The following MYCN variants were observed in gnomAD, a reference collection of about 807,000 sequenced individuals.
The protein encoded by MYCN is N-myc proto-oncogene protein.
In MYCN, 3 loss-of-function variants were observed where a neutral mutation model predicts 28.1. The ratio of observed to expected loss-of-function variants is 0.11; its 90% CI spans 0.05 to 0.28. The LOEUF is 0.28. MYCN is among the 10% of genes least tolerant of loss of function. The pLI is 1.00. For missense variants in MYCN, 572 were observed against 651.4 expected (o/e 0.88, Z 1.33); for synonymous variants, 326 against 288.3 (o/e 1.13, Z -1.32).
At position 15,945,734 on chromosome 2, in the gene MYCN, A is replaced by C. The variant is rs1662848728; in HGVS notation, c.1032A>C (p.Ala344=). 1 of 1,613,830 alleles carries C rather than the reference A, an allele frequency of 6.2e-7. No individual in the cohort carries two copies. Among genetic ancestry groups the C allele is most frequent in the Non-Finnish European group, 8.5e-7 (1 of 1,179,976 alleles). ...CTCCCTACGTGGAGAGTGAGGATGC[A>C]CCCCCACAGAAGAAGATAAAGAGCG... ...APSPYVESED[A]PPQKKIKSEA... Residue 344 remains alanine, a synonymous_variant, in exon 3 of 3, where the codon GCA becomes GCC. Coordinates refer to ENST00000281043, the MANE Select transcript of MYCN (RefSeq NM_005378.6). This position sits in a 1 kb window ranked among gnomAD's most constrained non-coding sequence, Gnocchi z 4.8.
chr2:15,942,199 G>A lies in MYCN; in HGVS notation c.135G>A (p.Pro45=), dbSNP rs1404994708. 1.2e-6 allele frequency: 2 copies of A among 1,613,536 alleles called. No homozygotes were observed. Among genetic ancestry groups the A allele is most frequent in the Admixed American group, 3.3e-5 (2 of 60,028 alleles). ...TCGGCGGCCCCGACTCGACCCCCCC[G>A]GGGGAGGACATCTGGAAGAAGTTTG... The part of the protein sequence containing the change: ...FYFGGPDSTP[P]GEDIWKKFEL... Residue 45 remains proline, a synonymous_variant, in exon 2 of 3, where the codon CCG becomes CCA. Transcript: ENST00000281043. The surrounding 1 kb of genome is among the most constrained non-coding windows in gnomAD (Gnocchi z 7.0).
In MYCN at chr2:15,945,621, G is replaced by T; in HGVS notation, c.919G>T (p.Ala307Ser). 1.2e-6 allele frequency: 2 copies of T among 1,614,148 alleles called. No homozygotes were observed. Among genetic ancestry groups the T allele is most frequent in the Non-Finnish European group, 1.7e-6 (2 of 1,180,014 alleles). The change falls in exon 3 of 3, where the codon GCC (alanine) becomes TCC (serine). Residue 307 changes from alanine (A) to serine (S), a missense_variant. By Grantham distance (99) the Ala-to-Ser change is moderately conservative. Around this residue, in one of 3 missense-constraint regions of MYCN, gnomAD observed 499 missense variants for 524.3 expected, o/e 0.95. Coordinates refer to ENST00000281043, the MANE Select transcript of MYCN (RefSeq NM_005378.6). This position sits in a 1 kb window ranked among gnomAD's most constrained non-coding sequence, Gnocchi z 4.8. ...FTITVRPKNAALGPGRAQSSE... is the reference protein window; with the variant it reads ...FTITVRPKNASLGPGRAQSSE... ...CATCACTGTGCGTCCCAAGAACGCA[G>T]CCCTGGGTCCCGGGAGGGCTCAGTC...
chr2:15,943,781 C>G (rs1558535108), intron 2 of MYCN, among the ~76,000 whole-genome samples: 1 of 152,164 alleles, frequency 6.6e-6, no homozygotes, highest in South Asian at 2.1e-4. Flanking sequence ...CCTGGGAGGA[C>G]TCACTGATTA....
Position 15,941,747 on chromosome 2 carries a change from C to T in MYCN, c.-117-201C>T, listed in dbSNP as rs1273102078. 6 of 496,818 alleles carry T rather than the reference C, an allele frequency of 1.2e-5. No homozygotes were observed. The East Asian group carries it at 1.4e-4, about 12-fold the overall frequency. 30.8% of individuals were successfully genotyped at this position (496,818 alleles called of 1,614,324 possible). On this transcript the variant is annotated intron_variant, in intron 1 of 2. Transcript: ENST00000281043. This position sits in a 1 kb window ranked among gnomAD's most constrained non-coding sequence, Gnocchi z 4.8. ...CTGCATCTGCATGCCCCCTCCCACC[C>T]CCTGTCGTAGACAGCTTGTACACAA...
intron 2 of MYCN, among the ~76,000 whole-genome samples, chr2:15,943,521 C>T (rs1572219091): frequency 6.6e-6 from 1 of 151,422 alleles, no homozygotes; most frequent in African/African-American, 2.4e-5. Context: ...AGCAGGCGGG[C>T]CCGGGATCTG....
chr2:15,942,871 G>T lies in MYCN; in HGVS notation c.790+17G>T, dbSNP rs982040971. The T allele has an allele frequency of 7.6e-6, 12 of 1,576,120 alleles. No individual in the cohort carries two copies. The highest frequency in any genetic ancestry group is 9.4e-6 in the Non-Finnish European group (11 of 1,167,466). ...GCGATTCAGGTAAAGACCGAACTCG[G>T]GTCCGGCTGCCTCCCTGGGGCACTG... is the stretch of plus-strand genomic sequence containing the variant. On this transcript the variant is annotated intron_variant, in intron 2 of 2. Transcript: ENST00000281043. This position sits in a 1 kb window ranked among gnomAD's most constrained non-coding sequence, Gnocchi z 7.0.
At position 15,945,624 on chromosome 2, in the gene MYCN, C is replaced by CTGG; in HGVS notation, c.923_925dup (p.Leu308_Gly309insVal). On this transcript the variant is annotated inframe_insertion, in exon 3 of 3. Transcript: ENST00000281043. The surrounding 1 kb of genome is among the most constrained non-coding windows in gnomAD (Gnocchi z 4.8). ...CACTGTGCGTCCCAAGAACGCAGCC[C>CTGG]TGGGTCCCGGGAGGGCTCAGTCCAG... The CTGG allele has an allele frequency of 6.2e-7, 1 of 1,614,198 alleles. No individual in the cohort carries two copies. Among genetic ancestry groups the CTGG allele is most frequent in the South Asian group, 1.1e-5 (1 of 91,084 alleles).
chr2:15,946,617 A>C lies in MYCN; in HGVS notation c.*520A>C. On this transcript the variant is annotated 3_prime_UTR_variant, in exon 3 of 3. Transcript: ENST00000281043. ...TACTGTAATAATACCTCAATGTTTG[A>C]GGAGCATGTTTTGTATACAAATATA... 1 of 276,914 alleles carries C rather than the reference A, an allele frequency of 3.6e-6. No homozygotes were observed. Among genetic ancestry groups the C allele is most frequent in the South Asian group, 9.6e-5 (1 of 10,470 alleles). The allele number at this position is 276,914 out of a possible 1,614,324, so 17.2% of individuals were successfully genotyped here.
rs1662826027 is a variant in MYCN, at chr2:15,945,106, TCTC to T, written c.791-384_791-382del. ...CCTCCGCCTCCCGGGTTCAAGTCAT[TCTC>T]CTGCCTCAGCCTCCCGAGTAGCTGG... On this transcript the variant is annotated intron_variant, in intron 2 of 2. Coordinates refer to ENST00000281043, the MANE Select transcript of MYCN (RefSeq NM_005378.6). The surrounding 1 kb of genome is among the most constrained non-coding windows in gnomAD (Gnocchi z 4.8). 6.6e-6 allele frequency among the ~76,000 whole-genome samples: 1 copy of T among 151,922 alleles called. No individual in the cohort carries two copies. Among genetic ancestry groups the T allele is most frequent in the Non-Finnish European group, 1.5e-5 (1 of 67,992 alleles).
Position 15,941,726 on chromosome 2 carries a change from A to G in MYCN, c.-117-222A>G, listed in dbSNP as rs989678899. The G allele has an allele frequency of 2.3e-6, 1 of 438,412 alleles. No homozygotes were observed. The highest frequency in any genetic ancestry group is 2.0e-5 in the African/African-American group (1 of 50,748). The allele number at this position is 438,412 out of a possible 1,614,324, so 27.2% of individuals were successfully genotyped here. A position where few individuals can be genotyped will look rare whatever the true frequency, so the allele number is the denominator to read the frequency against. ...GCGGAGCCTCGCCACCACCCCCTGC[A>G]TCTGCATGCCCCCTCCCACCCCCTG... On this transcript the variant is annotated intron_variant, in intron 1 of 2. Coordinates refer to ENST00000281043, the MANE Select transcript of MYCN (RefSeq NM_005378.6). The surrounding 1 kb of genome is among the most constrained non-coding windows in gnomAD (Gnocchi z 4.8).
chr2:15,942,789 G>T lies in MYCN; in HGVS notation c.725G>T (p.Arg242Leu). Residue 242 changes from arginine (R) to leucine (L), a missense_variant, in exon 2 of 3, where the codon CGC becomes CTC. Physicochemically the swap from Arg to Leu is moderately radical, Grantham distance 102. Coordinates refer to ENST00000281043, the MANE Select transcript of MYCN (RefSeq NM_005378.6). This position sits in a 1 kb window ranked among gnomAD's most constrained non-coding sequence, Gnocchi z 7.0. ...GTCGCCCCTCCGCGCCCAGGCGGCCGCCAGACCAGCGGCGGCGACCACAAG... is the reference window on the plus strand; with the variant it reads ...GTCGCCCCTCCGCGCCCAGGCGGCCTCCAGACCAGCGGCGGCGACCACAAG... ...PGVAPPRPGG[R>L]QTSGGDHKAL... The T allele has an allele frequency of 6.6e-7, 1 of 1,507,036 alleles. No individual in the cohort carries two copies. Among genetic ancestry groups the T allele is most frequent in the South Asian group, 1.3e-5 (1 of 78,294 alleles). The allele number at this position is 1,507,036 out of a possible 1,614,324, so 93.4% of individuals were successfully genotyped here. A position where few individuals can be genotyped will look rare whatever the true frequency, so the allele number is the denominator to read the frequency against.
chr2:15,945,455 T>G lies in MYCN; in HGVS notation c.791-38T>G, dbSNP rs1662836199. The G allele has an allele frequency of 6.4e-7, 1 of 1,564,876 alleles. No individual in the cohort carries two copies. Among genetic ancestry groups the G allele is most frequent in the East Asian group, 2.4e-5 (1 of 42,376 alleles). On this transcript the variant is annotated intron_variant, in intron 2 of 2. Transcript: ENST00000281043. This position sits in a 1 kb window ranked among gnomAD's most constrained non-coding sequence, Gnocchi z 4.8. ...GATATATATGTGAATTTCATTCAAATGGTTCTCACATGAGAGTAACTAGCA... is the reference window on the plus strand; with the variant it reads ...GATATATATGTGAATTTCATTCAAAGGGTTCTCACATGAGAGTAACTAGCA...
Position 15,942,942 on chromosome 2 carries a change from TG to T in MYCN, c.790+92del. 1 of 1,465,760 alleles carries T rather than the reference TG, an allele frequency of 6.8e-7. No homozygotes were observed. The highest frequency in any genetic ancestry group is 9.1e-7 in the Non-Finnish European group (1 of 1,098,442). The allele number at this position is 1,465,760 out of a possible 1,614,324, so 90.8% of individuals were successfully genotyped here. ...TTGTTAGTGCTCGTATGTCTTGGCCTGGGGAGCATTTTGGAGGCAGTGCTAG... is the reference window on the plus strand; with the variant it reads ...TTGTTAGTGCTCGTATGTCTTGGCCTGGGAGCATTTTGGAGGCAGTGCTAG... On this transcript the variant is annotated intron_variant, in intron 2 of 2. Coordinates refer to ENST00000281043, the MANE Select transcript of MYCN (RefSeq NM_005378.6). This position sits in a 1 kb window ranked among gnomAD's most constrained non-coding sequence, Gnocchi z 7.0.
At position 15,942,632 on chromosome 2, in the gene MYCN, G is replaced by A. The variant is rs776717109; in HGVS notation, c.568G>A (p.Ala190Thr). 8.8e-7 allele frequency: 1 copy of A among 1,139,344 alleles called. No homozygotes were observed. The highest frequency in any genetic ancestry group is 3.7e-5 in the South Asian group (1 of 26,996). The allele number at this position is 1,139,344 out of a possible 1,614,324, so 70.6% of individuals were successfully genotyped here. A position where few individuals can be genotyped will look rare whatever the true frequency, so the allele number is the denominator to read the frequency against. ...AHPAAECVDP[A>T]VVFPFPVNKR... ...CCCGGCCGCCGAGTGCGTGGATCCC[G>A]CCGTGGTCTTCCCCTTTCCCGTGAA... is the stretch of plus-strand genomic sequence containing the variant. Residue 190 changes from alanine to threonine, a missense_variant, in exon 2 of 3, where the codon GCC becomes ACC. This residue lies in a region of MYCN where 499 missense variants were observed against 524.3 expected (regional missense o/e 0.95). Transcript: ENST00000281043. This position sits in a 1 kb window ranked among gnomAD's most constrained non-coding sequence, Gnocchi z 7.0.
In MYCN at chr2:15,941,754, G is replaced by A. The variant is rs1336422999; in HGVS notation, c.-117-194G>A. On this transcript the variant is annotated intron_variant, in intron 1 of 2. Transcript: ENST00000281043. This position sits in a 1 kb window ranked among gnomAD's most constrained non-coding sequence, Gnocchi z 4.8. Reference sequence around the variant, plus strand: ...TGCATGCCCCCTCCCACCCCCTGTCGTAGACAGCTTGTACACAAAAGGAGG... The same window carrying A: ...TGCATGCCCCCTCCCACCCCCTGTCATAGACAGCTTGTACACAAAAGGAGG... The A allele has an allele frequency of 4.0e-6, 2 of 501,278 alleles. No homozygotes were observed. Among genetic ancestry groups the A allele is most frequent in the Admixed American group, 3.4e-5 (1 of 29,698 alleles). The allele number at this position is 501,278 out of a possible 1,614,324, so 31.1% of individuals were successfully genotyped here.
At position 15,945,339 on chromosome 2, in the gene MYCN, A is replaced by C. The variant is rs1662832546; in HGVS notation, c.791-154A>C. The stretch of plus-strand genomic sequence containing the variant: ...ATTTAAAGAGATCTAAAACAAATAC[A>C]AAACTGTCCACATCTATGTTGATGG... On this transcript the variant is annotated intron_variant, in intron 2 of 2. Coordinates refer to ENST00000281043, the MANE Select transcript of MYCN (RefSeq NM_005378.6). This position sits in a 1 kb window ranked among gnomAD's most constrained non-coding sequence, Gnocchi z 4.8. Among the ~76,000 whole-genome samples the C allele has an allele frequency of 6.6e-6, 1 of 152,154 alleles. No homozygotes were observed. The highest frequency in any genetic ancestry group is 6.5e-5 in the Admixed American group (1 of 15,272).
rs981068491 is a variant in MYCN at position 15,941,981 on chromosome 2, G to T, written c.-84G>T. 3 of 1,553,582 alleles carry T rather than the reference G, an allele frequency of 1.9e-6. 1 individual carries two copies. The highest frequency in any genetic ancestry group is 1.4e-5 in the African/African-American group (1 of 73,572). ...GTCGGCGCCGGCCCCCGCCTTCCGCGCCCCCCACGGGAAGGAAGCACCCCC... is the reference window on the plus strand; with the variant it reads ...GTCGGCGCCGGCCCCCGCCTTCCGCTCCCCCCACGGGAAGGAAGCACCCCC... On this transcript the variant is annotated 5_prime_UTR_variant, in exon 2 of 3. Transcript: ENST00000281043. This position sits in a 1 kb window ranked among gnomAD's most constrained non-coding sequence, Gnocchi z 4.8.
chr2:15,945,408 G>T lies in MYCN; in HGVS notation c.791-85G>T. 6.7e-7 allele frequency: 1 copy of T among 1,483,628 alleles called. No homozygotes were observed. Among genetic ancestry groups the T allele is most frequent in the Non-Finnish European group, 9.2e-7 (1 of 1,087,072 alleles). 91.9% of individuals were successfully genotyped at this position (1,483,628 alleles called of 1,614,324 possible). A position where few individuals can be genotyped will look rare whatever the true frequency, so the allele number is the denominator to read the frequency against. On this transcript the variant is annotated intron_variant, in intron 2 of 2. Coordinates refer to ENST00000281043, the MANE Select transcript of MYCN (RefSeq NM_005378.6). This position sits in a 1 kb window ranked among gnomAD's most constrained non-coding sequence, Gnocchi z 4.8. ...CTGCCAGGGTCTGCCGGAAGAGACA[G>T]ATAAGCATACATATTAACATGGATA...
chr2:15,944,833 T>G (rs1249470014), intron 2 of MYCN, among the ~76,000 whole-genome samples: 1 of 152,214 alleles, frequency 6.6e-6, no homozygotes, highest in East Asian at 1.9e-4. Flanking sequence ...GCAACTAGTC[T>G]GCGGTGGAGC....
Sources: gnomAD v4.1 joint callset for allele counts (sites outside exome capture counted in the v4.1 genomes callset) on GRCh38, gnomAD v4.1.1 for gene constraint, gnomAD v4.1.1 regional missense constraint, Gnocchi (gnomAD v3.1) non-coding constraint, MANE v1.5 for transcripts, NCBI Gene and HGNC (gene_info 2026-07-23, HGNC 2026-07-21) for gene names.